Variants in TEX11 observed in about 807,000 individuals in gnomAD.
The protein encoded by TEX11 is testis-expressed protein 11.
Under a neutral mutation model 84.4 loss-of-function variants are expected in TEX11, and 7 were observed. The ratio of observed to expected loss-of-function variants is 0.08; its 90% CI spans 0.05 to 0.16. The LOEUF is 0.16. Among genes scored for constraint, TEX11 ranks in the 10% least tolerant of loss-of-function variants. The pLI is 1.00. For missense variants in TEX11, 551 were observed against 660.5 expected, an observed-to-expected ratio of 0.83 and a Z score of 1.82; for synonymous variants, 264 against 222.8, an observed-to-expected ratio of 1.18 and a Z score of -1.64.
At chrX:70,750,743 G>A (rs1421744805) in intron 9 of TEX11, among the ~76,000 whole-genome samples, 1 of 99,864 alleles carries the variant, frequency 1.0e-5, no homozygotes, top group Non-Finnish European at 2.0e-5. Context: ...GACACAGGAA[G>A]GGGAATATCA....
rs2088265652 is a variant in TEX11, at chrX:70,554,861, G to A, written c.2141-61C>T. On this transcript the variant is annotated intron_variant, in intron 25 of 29. Transcript: ENST00000374333. ...TTATATTATATTATTCTCTTTGGTT[G>A]TAATTTCACTAACTGGAGAGGTTTT... The A allele has an allele frequency of 5.9e-6, 6 of 1,021,583 alleles. No homozygotes were observed. In the South Asian group the frequency reaches 1.7e-4, roughly 30 times the overall value. The allele number at this position is 1,021,583 out of a possible 1,213,427, so 84.2% of individuals were successfully genotyped here. A position where few individuals can be genotyped will look rare whatever the true frequency, so the allele number is the denominator to read the frequency against.
chrX:70,866,745 G>T (rs1479332164), intron 4 of TEX11, among the ~76,000 whole-genome samples: 1 of 111,954 alleles, frequency 8.9e-6, no homozygotes, highest in Non-Finnish European at 1.9e-5. Flanking sequence ...TTCAACATAG[G>T]CAAATCAGTA....
intron 2 of TEX11, among the ~76,000 whole-genome samples, chrX:70,893,981 G>T (rs781302847): frequency 8.9e-6 from 1 of 111,739 alleles, no homozygotes; most frequent in African/African-American, 3.2e-5. Context: ...TAGAAGAAAT[G>T]GATGAATTCC....
At position 70,644,922 on chromosome X, in the gene TEX11, T is replaced by A. The variant is rs746963690; in HGVS notation, c.1483+6528A>T. On this transcript the variant is annotated intron_variant, in intron 17 of 29. Transcript: ENST00000374333. ...ATGTACCCTAAAACTTAAAGTATAA[T>A]AAAAAAAATTAAAAAAAGATAAATA... Among the ~76,000 whole-genome samples, 8 of 104,432 alleles carry A rather than the reference T, an allele frequency of 7.7e-5. No homozygotes were observed. In the South Asian group the frequency reaches 3.4e-3, roughly 44 times the overall value. The allele number at this position is 104,432 out of a possible 115,157, so 90.7% of individuals were successfully genotyped here. A position where few individuals can be genotyped will look rare whatever the true frequency, so the allele number is the denominator to read the frequency against.
At chrX:70,628,596 C>T (rs545964723) in intron 18 of TEX11, among the ~76,000 whole-genome samples, 4 of 112,181 alleles carry the variant, frequency 3.6e-5, no homozygotes, top group African/African-American at 1.3e-4. Context: ...CATGGCTTGT[C>T]TGTTCAAATT....
intron 20 of TEX11, 125 bp downstream of exon 20, chrX:70,623,825 G>A (rs1318351225): frequency 8.1e-6 from 4 of 496,389 alleles, no homozygotes; most frequent in Non-Finnish European, 1.3e-5. Flanking sequence ...AACCCAGGAA[G>A]ACTGGCCCCA....
chrX:70,719,351 T>C (rs1162281560), intron 13 of TEX11, among the ~76,000 whole-genome samples: 3 of 112,167 alleles, frequency 2.7e-5, no homozygotes, highest in African/African-American at 9.7e-5. Flanking sequence ...TTAAGTTATT[T>C]TGACCAGTCT....
At chrX:70,596,377 A>G (rs1251653063) in intron 24 of TEX11, among the ~76,000 whole-genome samples, 3 of 111,829 alleles carry the variant, frequency 2.7e-5, no homozygotes, top group Non-Finnish European at 1.9e-5. Context: ...AGGATAGCTG[A>G]CATGCTAGGC....
At chrX:70,736,004 G>A (rs1438901868) in intron 11 of TEX11, among the ~76,000 whole-genome samples, 1 of 111,198 alleles carries the variant, frequency 9.0e-6, no homozygotes, top group Non-Finnish European at 1.9e-5. Flanking sequence ...TTATATTATG[G>A]TTAATAGACA....
rs1010148010 is a variant in TEX11, at chrX:70,803,169, T to C, written c.692+3536A>G. Among the ~76,000 whole-genome samples, 43 of 112,298 alleles carry C rather than the reference T, an allele frequency of 3.8e-4. No individual in the cohort carries two copies. The Admixed American group carries it at 4.0e-3, about 10-fold the overall frequency. On this transcript the variant is annotated intron_variant, in intron 9 of 29. Transcript: ENST00000374333. Reference sequence around the variant, plus strand: ...AAACAAACAAAAAAACTCTTAAATATATTATTTCCAAACCTTGCATTCGGA... The same window carrying C: ...AAACAAACAAAAAAACTCTTAAATACATTATTTCCAAACCTTGCATTCGGA...
At chrX:70,870,691 A>C (rs1296371466) in intron 4 of TEX11, among the ~76,000 whole-genome samples, 1 of 111,495 alleles carries the variant, frequency 9.0e-6, no homozygotes, top group Non-Finnish European at 1.9e-5. Flanking sequence ...TATTCTTTTT[A>C]TTTTAACTTT....
intron 9 of TEX11, among the ~76,000 whole-genome samples, chrX:70,803,188 A>C (rs1214721287): frequency 8.9e-6 from 1 of 112,325 alleles, no homozygotes; most frequent in African/African-American, 3.2e-5. Context: ...CAAACCTTGC[A>C]TTCGGATTTC....
intron 25 of TEX11, among the ~76,000 whole-genome samples, chrX:70,580,012 T>C (rs2088749030): frequency 8.9e-6 from 1 of 112,039 alleles, no homozygotes; most frequent in Non-Finnish European, 1.9e-5. Flanking sequence ...CCCATATGTA[T>C]TGCAGCACTA....
intron 17 of TEX11, among the ~76,000 whole-genome samples, chrX:70,644,532 A>T (rs1380051087): frequency 9.2e-6 from 1 of 108,754 alleles, no homozygotes; most frequent in African/African-American, 3.4e-5. Context: ...CAAATGTCCA[A>T]CAATGATAGA....
At chrX:70,539,039 T>TATATATA (rs1555978760) in intron 28 of TEX11, among the ~76,000 whole-genome samples, 18 of 16,617 alleles carry the variant, frequency 1.1e-3, no homozygotes, top group Non-Finnish European at 1.7e-3. Context: ...TATATATATA[T>TATATATA]TTTTTTTTTT....
chrX:70,566,195 GCT>G (rs2147962223), intron 25 of TEX11, among the ~76,000 whole-genome samples: 1 of 101,917 alleles, frequency 9.8e-6, no homozygotes, highest in East Asian at 3.1e-4. Flanking sequence ...TCATGATTTG[GCT>G]CTCTGTTTGT....
chrX:70,588,402 G>C (rs924841355), intron 25 of TEX11, among the ~76,000 whole-genome samples: 6 of 111,395 alleles, frequency 5.4e-5, no homozygotes, highest in Non-Finnish European at 1.1e-4. Context: ...TCGTGATAGT[G>C]AGTTCTCATG....
chrX:70,727,233 T>A (rs1380447816), intron 11 of TEX11, among the ~76,000 whole-genome samples: 2 of 111,549 alleles, frequency 1.8e-5, no homozygotes, highest in African/African-American at 6.5e-5. Flanking sequence ...GCTGCCTCCC[T>A]TGAAGCTCTG....
At chrX:70,709,807 C>A (rs189590138) in intron 13 of TEX11, among the ~76,000 whole-genome samples, 34 of 111,137 alleles carry the variant, frequency 3.1e-4, no homozygotes, top group African/African-American at 9.1e-4. Flanking sequence ...GCTTTCTGGT[C>A]TTTCTTTTTA....
Sources: allele counts gnomAD v4.1 joint callset (sites outside exome capture counted in the v4.1 genomes callset), GRCh38; gene constraint gnomAD v4.1.1; transcripts MANE v1.5; gene names NCBI Gene and HGNC (gene_info 2026-07-23, HGNC 2026-07-21).